ATP9A: variants seen among roughly 807,000 people sequenced by gnomAD.
ATP9A encodes probable phospholipid-transporting ATPase IIA.
In ATP9A, 52 loss-of-function variants were observed where a neutral mutation model predicts 144.1. That is an observed-to-expected ratio of 0.36 (90% confidence interval 0.29 to 0.45). The LOEUF is 0.45. ATP9A is among the 20% of genes least tolerant of loss of function. ATP9A has a pLI of 1.00. For missense variants in ATP9A, 947 were observed against 1,392.7 expected, an observed-to-expected ratio of 0.68 and a Z score of 5.09; for synonymous variants, 582 against 557.4, an observed-to-expected ratio of 1.04 and a Z score of -0.62.
intron 1 of ATP9A, among the ~76,000 whole-genome samples, chr20:51,744,116 T>G (rs1476897686): frequency 6.6e-6 from 1 of 152,172 alleles, no homozygotes; most frequent in African/African-American, 2.4e-5. Flanking sequence ...ATAAATAACT[T>G]CGTTTACACT....
intron 3 of ATP9A, among the ~76,000 whole-genome samples, chr20:51,724,511 A>G (rs535445761): frequency 3.2e-4 from 48 of 152,326 alleles, no homozygotes; most frequent in Admixed American, 1.3e-3. Context: ...TCATTCATGT[A>G]AAAAATACTA....
intron 1 of ATP9A, among the ~76,000 whole-genome samples, chr20:51,751,924 C>T (rs1345853865): frequency 6.6e-6 from 1 of 152,180 alleles, no homozygotes; most frequent in Non-Finnish European, 1.5e-5. Flanking sequence ...TTTAATCAAG[C>T]AGCCAGTATT....
intron 1 of ATP9A, chr20:51,732,679 GAC>G (rs941908110): frequency 6.9e-6 from 1 of 144,090 alleles, no homozygotes; most frequent in Non-Finnish European, 1.5e-5. Flanking sequence ...AAAAGCCAGA[GAC>G]ACACACAGAA....
chr20:51,636,413 T>C (rs1180760227), intron 15 of ATP9A, among the ~76,000 whole-genome samples: 1 of 152,248 alleles, frequency 6.6e-6, no homozygotes, highest in Non-Finnish European at 1.5e-5. Flanking sequence ...AAGTGGGGAT[T>C]ACCATATTGC....
intron 9 of ATP9A, among the ~76,000 whole-genome samples, chr20:51,683,819 T>G (rs759494538): frequency 3.3e-5 from 5 of 152,186 alleles, no homozygotes; most frequent in Admixed American, 1.3e-4. Context: ...TGAGGTAATA[T>G]TCCCTTGCCT....
At position 51,640,084 on chromosome 20, in the gene ATP9A, C is replaced by T. The variant is rs182675686; in HGVS notation, c.1507-580G>A. 5.3e-5 allele frequency among the ~76,000 whole-genome samples: 8 copies of T among 152,156 alleles called. No individual in the cohort carries two copies. The East Asian group carries it at 1.4e-3, about 26-fold the overall frequency. On this transcript the variant is annotated intron_variant, in intron 14 of 27. Coordinates refer to ENST00000338821, the MANE Select transcript of ATP9A (RefSeq NM_006045.3). ...TGGGTGACATAGCGAGACTCTGTCCCCGTCCCCACCCCACACCACCCCCAC... is the reference window on the plus strand; with the variant it reads ...TGGGTGACATAGCGAGACTCTGTCCTCGTCCCCACCCCACACCACCCCCAC...
intron 1 of ATP9A, among the ~76,000 whole-genome samples, chr20:51,767,056 T>C (rs1873199623): frequency 1.4e-5 from 2 of 142,390 alleles, no homozygotes; most frequent in African/African-American, 5.3e-5. Flanking sequence ...CCCCACAAAA[T>C]GGCCGCCAGC....
chr20:51,613,951 T>C, intron 22 of ATP9A, 119 bp from the exon 23 acceptor site: 6 of 1,149,292 alleles, frequency 5.2e-6, no homozygotes, highest in Non-Finnish European at 6.0e-6. Context: ...AGAAAGAAAT[T>C]CTTTGGTTTC....
At chr20:51,650,561 T>A (rs1252275164) in intron 14 of ATP9A, among the ~76,000 whole-genome samples, 5 of 151,474 alleles carry the variant, frequency 3.3e-5, no homozygotes, top group African/African-American at 1.2e-4. Flanking sequence ...ATAAAAAATA[T>A]ATATATATTT....
chr20:51,663,576 C>T (rs1459393119), intron 13 of ATP9A, among the ~76,000 whole-genome samples: 2 of 151,906 alleles, frequency 1.3e-5, no homozygotes, highest in African/African-American at 2.4e-5. Context: ...GGGCGGATCA[C>T]GAGGTCAGGA....
chr20:51,733,379 C>CT (rs554396491), intron 1 of ATP9A, among the ~76,000 whole-genome samples: 3,181 of 146,860 alleles, frequency 0.022, 44 homozygotes, highest in African/African-American at 0.041. Flanking sequence ...TTCCTCATGC[C>CT]TTTTTTTTTT....
In ATP9A at chr20:51,726,056, A is replaced by C. The variant is rs112972806; in HGVS notation, c.214-124T>G. On this transcript the variant is annotated intron_variant, in intron 2 of 27. Transcript: ENST00000338821. Reference sequence around the variant, plus strand: ...CAGCCAGGCGTGGTGGTTCACGCCTATAATCCCAGAACTTTGGGAGGCCGA... The same window carrying C: ...CAGCCAGGCGTGGTGGTTCACGCCTCTAATCCCAGAACTTTGGGAGGCCGA... The C allele has an allele frequency of 3.8e-3, 2,556 of 665,010 alleles. 62 individuals are homozygous for C. In the African/African-American group the frequency reaches 0.04, roughly 10 times the overall value. The allele number at this position is 665,010 out of a possible 1,614,324, so 41.2% of individuals were successfully genotyped here.
intron 13 of ATP9A, among the ~76,000 whole-genome samples, chr20:51,667,403 T>A (rs2077437216): frequency 6.6e-6 from 1 of 151,984 alleles, no homozygotes; most frequent in Non-Finnish European, 1.5e-5. Context: ...GGGCTGCGAG[T>A]GATACAGACA....
At chr20:51,610,469 A>C (rs731892) in intron 23 of ATP9A, among the ~76,000 whole-genome samples, 72,024 of 151,898 alleles carry the variant, frequency 0.47, 17,440 homozygotes, top group African/African-American at 0.57. Flanking sequence ...GTGATGTATC[A>C]CAGCTCCAGG....
At chr20:51,705,726 C>T (rs563017664) in intron 4 of ATP9A, among the ~76,000 whole-genome samples, 114 of 152,282 alleles carry the variant, frequency 7.5e-4, no homozygotes, top group African/African-American at 2.6e-3. Context: ...CTGTGATAAT[C>T]GAGGCAACCC....
intron 13 of ATP9A, among the ~76,000 whole-genome samples, chr20:51,668,252 T>C (rs1601093266): frequency 6.7e-6 from 1 of 149,272 alleles, no homozygotes; most frequent in Non-Finnish European, 1.5e-5. Context: ...GCAGTGGCTG[T>C]CAGCTGGGGT....
chr20:51,743,395 G>GGTTTTTTT (rs1489280599), intron 1 of ATP9A, among the ~76,000 whole-genome samples: 2 of 43,432 alleles, frequency 4.6e-5, no homozygotes, highest in African/African-American at 1.3e-4. Context: ...GACCGAAACT[G>GGTTTTTTT]ATTTTTTTTT....
intron 1 of ATP9A, among the ~76,000 whole-genome samples, chr20:51,765,299 C>G (rs2077898676): frequency 6.6e-6 from 1 of 152,112 alleles, no homozygotes; most frequent in African/African-American, 2.4e-5. Context: ...TATACAAGAG[C>G]ATTTACGCAA....
intron 15 of ATP9A, among the ~76,000 whole-genome samples, chr20:51,638,071 TTATATATATATATATATATATA>T (rs56043552): frequency 0.018 from 601 of 34,204 alleles, 29 homozygotes; most frequent in African/African-American, 0.026. Flanking sequence ...TTTCATCATT[TTATATATATATATATATATATA>T]TATATATATA....
Sources: allele counts gnomAD v4.1 joint callset (sites outside exome capture counted in the v4.1 genomes callset), GRCh38; gene constraint gnomAD v4.1.1; transcripts MANE v1.5; gene names NCBI Gene and HGNC (gene_info 2026-07-23, HGNC 2026-07-21).